LGALS3: variants seen among roughly 807,000 people sequenced by gnomAD.
LGALS3 encodes galectin-3.
LGALS3 carries 18 observed loss-of-function variants against 20.7 expected under a neutral mutation model. The observed-to-expected ratio is 0.87, with a 90% CI of 0.60 to 1.29. The LOEUF (loss-of-function observed/expected upper bound fraction) is 1.29. LGALS3 is among the 50% of genes most tolerant of loss of function. The probability of loss-of-function intolerance (pLI) is 0.00; values close to 1 mark genes in which losing one functional copy is unlikely to be tolerated. For synonymous variants in LGALS3, 112 were observed against 119.6 expected (o/e 0.94, Z 0.42); for missense variants, 315 against 314.7 (o/e 1.00, Z -0.01).
chr14:55,145,199 A>C lies in LGALS3; in HGVS notation c.681A>C (p.Lys227Asn), dbSNP rs889784002. 11 of 1,613,794 alleles carry C rather than the reference A, an allele frequency of 6.8e-6. No homozygotes were observed. The highest frequency in any genetic ancestry group is 9.3e-6 in the Non-Finnish European group (11 of 1,179,904). ...HLLQYNHRVK[K>N]LNEISKLGIS... ...TGCAGTACAATCATCGGGTTAAAAA[A>C]CTCAATGAAATCAGCAAACTGGGAA... The change falls in exon 6 of 6, where the codon AAA becomes AAC. Residue 227 changes from lysine to asparagine, a missense_variant. By Grantham distance (94) the Lys-to-Asn change is moderately conservative. Transcript: ENST00000254301.
intron 3 of LGALS3, among the ~76,000 whole-genome samples, chr14:55,139,540 C>A (rs1344019752): frequency 6.6e-6 from 1 of 152,124 alleles, no homozygotes; most frequent in Non-Finnish European, 1.5e-5. Context: ...GCAGGAGGAT[C>A]ACTTGAGTCC....
chr14:55,130,739 CGTG>C (rs746640007), intron 1 of LGALS3, among the ~76,000 whole-genome samples: 15,559 of 88,236 alleles, frequency 0.18, 1,653 homozygotes, highest in Non-Finnish European at 0.25. Flanking sequence ...TTGTATTTTT[CGTG>C]GTGGTGGTGG....
chr14:55,143,416 C>G, intron 5 of LGALS3: 1 of 376,184 alleles, frequency 2.7e-6, no homozygotes, highest in African/African-American at 2.2e-5. Flanking sequence ...AATATTGTTA[C>G]TTAATAGCAC....
intron 3 of LGALS3, among the ~76,000 whole-genome samples, chr14:55,138,902 G>A (rs1350306825): frequency 6.6e-6 from 1 of 152,210 alleles, no homozygotes; most frequent in East Asian, 1.9e-4. Flanking sequence ...TGAATTCTAA[G>A]TGTAAAACAT....
At chr14:55,137,699 AG>A in intron 2 of LGALS3, 1 of 1,371,908 alleles carries the variant, frequency 7.3e-7, no homozygotes, top group Non-Finnish European at 9.4e-7. Flanking sequence ...AGTGCGGTAC[AG>A]TCTGGGCATT....
Position 55,135,603 on chromosome 14 carries a change from C to T in LGALS3, c.-4-1767C>T, listed in dbSNP as rs944049108. On this transcript the variant is annotated intron_variant, in intron 1 of 5. Coordinates refer to ENST00000254301, the MANE Select transcript of LGALS3 (RefSeq NM_002306.4). ...TTTTTTTGAGATGAGGTCGCTCTGT[C>T]ACCCAGGCTGGAGTGCAGTGGTGCC... Among the ~76,000 whole-genome samples, 8 of 120,766 alleles carry T rather than the reference C, an allele frequency of 6.6e-5. No homozygotes were observed. In the Admixed American group the frequency reaches 6.6e-4, roughly 10 times the overall value. The allele number at this position is 120,766 out of a possible 152,430, so 79.2% of individuals were successfully genotyped here.
intron 5 of LGALS3, among the ~76,000 whole-genome samples, chr14:55,144,234 C>T (rs2140297781): frequency 6.6e-6 from 1 of 152,248 alleles, no homozygotes; most frequent in East Asian, 1.9e-4. Flanking sequence ...TGTCAACCTC[C>T]CAGGCTCAAA....
chr14:55,136,954 G>A (rs902460689), intron 1 of LGALS3, among the ~76,000 whole-genome samples: 1 of 152,100 alleles, frequency 6.6e-6, no homozygotes, highest in African/African-American at 2.4e-5. Flanking sequence ...AGGAGCCTGC[G>A]CAGTGCCTGG....
intron 2 of LGALS3, chr14:55,137,655 CG>C (rs1409001401): frequency 7.1e-7 from 1 of 1,415,996 alleles, no homozygotes; most frequent in African/African-American, 1.4e-5. Flanking sequence ...TGGACTCTGC[CG>C]GCAGGAGCTG....
At position 55,133,697 on chromosome 14, in the gene LGALS3, G is replaced by A. The variant is rs572432072; in HGVS notation, c.-4-3673G>A. ...CACAATCTATACTGCCCTCCGAGGTGGTGTTGAAACAGTGGAAATGCAACG... is the reference window on the plus strand; with the variant it reads ...CACAATCTATACTGCCCTCCGAGGTAGTGTTGAAACAGTGGAAATGCAACG... On this transcript the variant is annotated intron_variant, in intron 1 of 5. Transcript: ENST00000254301. Among the ~76,000 whole-genome samples, 311 of 152,242 alleles carry A rather than the reference G, an allele frequency of 2.0e-3. 5 individuals carry two copies. In the South Asian group the frequency reaches 0.027, roughly 13 times the overall value.
intron 1 of LGALS3, among the ~76,000 whole-genome samples, chr14:55,136,238 G>T (rs541498809): frequency 6.6e-5 from 10 of 151,244 alleles, no homozygotes; most frequent in African/African-American, 1.2e-4. Context: ...TTTCCTTCAC[G>T]TCACGTTGCC....
chr14:55,142,398 C>A (rs1403844685), intron 4 of LGALS3, among the ~76,000 whole-genome samples, 186 bp from the exon 5 acceptor site: 1 of 152,176 alleles, frequency 6.6e-6, no homozygotes, highest in African/African-American at 2.4e-5. Context: ...TGTGATAGTA[C>A]ATAGAATATC....
chr14:55,144,602 C>T (rs1339185583), intron 5 of LGALS3, among the ~76,000 whole-genome samples: 2 of 152,146 alleles, frequency 1.3e-5, no homozygotes, highest in Non-Finnish European at 2.9e-5. Flanking sequence ...CTCACTCTTT[C>T]GCCCAGGCTG....
chr14:55,137,267 C>T, intron 1 of LGALS3, 103 bp from the exon 2 acceptor site: 1 of 1,112,370 alleles, frequency 9.0e-7, no homozygotes, highest in Non-Finnish European at 1.4e-6. Context: ...GGCATAATGC[C>T]TAGAGATGGA....
intron 4 of LGALS3, among the ~76,000 whole-genome samples, 191 bp from the exon 5 acceptor site, chr14:55,142,393 T>C (rs771421204): frequency 4.6e-5 from 7 of 152,228 alleles, no homozygotes; most frequent in Non-Finnish European, 8.8e-5. Flanking sequence ...GATTTTGTGA[T>C]AGTACATAGA....
At chr14:55,137,976 C>A in intron 2 of LGALS3, 69 bp from the exon 3 acceptor site, 1 of 1,457,038 alleles carries the variant, frequency 6.9e-7, no homozygotes, top group South Asian at 1.7e-5. Context: ...TCACATATTC[C>A]TATTTTCCTG....
chr14:55,139,911 A>C (rs72716690), intron 3 of LGALS3, among the ~76,000 whole-genome samples: 1 of 152,204 alleles, frequency 6.6e-6, no homozygotes, highest in African/African-American at 2.4e-5. Context: ...GCTTGCCCCC[A>C]GGAAGCAGAA....
At chr14:55,132,503 CTT>C (rs1881261609) in intron 1 of LGALS3, among the ~76,000 whole-genome samples, 1 of 152,082 alleles carries the variant, frequency 6.6e-6, no homozygotes, top group Non-Finnish European at 1.5e-5. Context: ...GAATAGATGT[CTT>C]TTTTGTTTTC....
chr14:55,133,692 G>T (rs187617760), intron 1 of LGALS3, among the ~76,000 whole-genome samples: 9 of 152,166 alleles, frequency 5.9e-5, no homozygotes, highest in Non-Finnish European at 1.2e-4. Context: ...ACTGCCCTCC[G>T]AGGTGGTGTT....
Sources: gnomAD v4.1 joint callset for allele counts (sites outside exome capture counted in the v4.1 genomes callset) on GRCh38, gnomAD v4.1.1 for gene constraint, MANE v1.5 for transcripts, NCBI Gene and HGNC (gene_info 2026-07-23, HGNC 2026-07-21) for gene names.